Variants in KCTD16 observed in about 807,000 individuals in gnomAD.
The protein encoded by KCTD16 is potassium channel tetramerization domain containing 16, also known as BTB/POZ domain-containing protein KCTD16.
KCTD16 carries 13 observed loss-of-function variants against 33.2 expected under a neutral mutation model. That is an observed-to-expected ratio of 0.39 (90% CI 0.25 to 0.62). The LOEUF is 0.62. Among genes scored for constraint, KCTD16 ranks in the 20% least tolerant of loss-of-function variants. The probability of loss-of-function intolerance (pLI) is 0.50; values close to 1 mark genes in which losing one functional copy is unlikely to be tolerated. For synonymous variants in KCTD16, 197 were observed against 195.3 expected (o/e 1.01, Z -0.07); for missense variants, 441 against 525.1 (o/e 0.84, Z 1.57).
chr5:144,482,976 T>C lies in KCTD16; in HGVS notation c.*8862T>C, dbSNP rs1332001455. 1 of 151,636 alleles carries C rather than the reference T, an allele frequency of 6.6e-6. No individual in the cohort carries two copies. Among genetic ancestry groups the C allele is most frequent in the Non-Finnish European group, 1.5e-5 (1 of 67,830 alleles). The allele number at this position is 151,636 out of a possible 1,614,324, so 9.4% of individuals were successfully genotyped here. ...CTTCCACTAAAAGTGGATATATTTA[T>C]TTATGGTGCCGAGAACATTAACAAA... On this transcript the variant is annotated 3_prime_UTR_variant, in exon 4 of 4. Transcript: ENST00000512467.
chr5:144,393,548 G>GTA (rs200997926), intron 3 of KCTD16, among the ~76,000 whole-genome samples: 110 of 152,064 alleles, frequency 7.2e-4, no homozygotes, highest in African/African-American at 2.6e-3. Flanking sequence ...AATACAGTGT[G>GTA]TATATATATA....
At chr5:144,195,463 C>T (rs1199697578) in intron 2 of KCTD16, among the ~76,000 whole-genome samples, 1 of 152,124 alleles carries the variant, frequency 6.6e-6, no homozygotes, top group Non-Finnish European at 1.5e-5. Context: ...TCTCCAGCAC[C>T]GTTGCTTGGT....
intron 3 of KCTD16, among the ~76,000 whole-genome samples, chr5:144,232,601 C>A (rs1373911740): frequency 6.6e-6 from 1 of 152,138 alleles, no homozygotes; most frequent in African/African-American, 2.4e-5. Flanking sequence ...AAACATCTTT[C>A]AATGAACTGT....
At chr5:144,410,637 T>A (rs1391650948) in intron 3 of KCTD16, among the ~76,000 whole-genome samples, 1 of 152,212 alleles carries the variant, frequency 6.6e-6, no homozygotes, top group Non-Finnish European at 1.5e-5. Context: ...ACATTTGGTC[T>A]TTATCCTCCT....
chr5:144,416,894 T>C (rs1344193108), intron 3 of KCTD16, among the ~76,000 whole-genome samples: 1 of 152,154 alleles, frequency 6.6e-6, no homozygotes, highest in Non-Finnish European at 1.5e-5. Flanking sequence ...TGTGTGTGGC[T>C]TTTTTCCCCT....
intron 3 of KCTD16, among the ~76,000 whole-genome samples, chr5:144,343,260 G>A (rs1204000387): frequency 1.3e-5 from 2 of 152,124 alleles, no homozygotes; most frequent in African/African-American, 4.8e-5. Flanking sequence ...TTCAGAGCCT[G>A]TTATTGGTCT....
chr5:144,407,407 G>C (rs1288094042), intron 3 of KCTD16, among the ~76,000 whole-genome samples: 1 of 151,836 alleles, frequency 6.6e-6, no homozygotes, highest in Non-Finnish European at 1.5e-5. Context: ...AGGTTCAGGA[G>C]TAAATGTTCT....
intron 3 of KCTD16, among the ~76,000 whole-genome samples, chr5:144,420,937 A>G (rs1030996457): frequency 1.3e-5 from 2 of 152,170 alleles, no homozygotes; most frequent in Non-Finnish European, 1.5e-5. Flanking sequence ...CTCAAAGCCA[A>G]TAGAAGGAAT....
At chr5:144,280,548 CTCTT>C (rs1414142500) in intron 3 of KCTD16, among the ~76,000 whole-genome samples, 2 of 152,148 alleles carry the variant, frequency 1.3e-5, no homozygotes, top group Non-Finnish European at 2.9e-5. Context: ...TGTTTTCTCT[CTCTT>C]TCTTTTTCAG....
At position 144,306,047 on chromosome 5, in the gene KCTD16, G is replaced by A. The variant is rs149894145; in HGVS notation, c.832+98501G>A. Among the ~76,000 whole-genome samples, 571 of 152,090 alleles carry A rather than the reference G, an allele frequency of 3.8e-3. 4 individuals are homozygous for A. Among genetic ancestry groups the A allele is most frequent in the African/African-American group, 0.013 (547 of 41,470 alleles). On this transcript the variant is annotated intron_variant, in intron 3 of 3. Coordinates refer to ENST00000512467, the MANE Select transcript of KCTD16 (RefSeq NM_020768.4). Reference sequence around the variant, plus strand: ...TCAGTGTAGCTCTTGGAGCAATGAGGTTTGTTGTGAGCCAACCAGATATCC... The same window carrying A: ...TCAGTGTAGCTCTTGGAGCAATGAGATTTGTTGTGAGCCAACCAGATATCC...
In KCTD16 at chr5:144,479,894, C is replaced by A. The variant is rs1754671411; in HGVS notation, c.*5780C>A. The stretch of plus-strand genomic sequence containing the variant: ...TGTCCTGGAGGAGGGTGGGGGTAAT[C>A]TTCCTGTTAATCAGCTTTGTAAAAC... On this transcript the variant is annotated 3_prime_UTR_variant, in exon 4 of 4. Transcript: ENST00000512467. 6.6e-6 allele frequency: 1 copy of A among 151,868 alleles called. No homozygotes were observed. Among genetic ancestry groups the A allele is most frequent in the Admixed American group, 6.6e-5 (1 of 15,192 alleles). The allele number at this position is 151,868 out of a possible 1,614,324, so 9.4% of individuals were successfully genotyped here.
intron 3 of KCTD16, among the ~76,000 whole-genome samples, chr5:144,343,416 G>C (rs537165992): frequency 8.5e-4 from 129 of 152,228 alleles, no homozygotes; most frequent in African/African-American, 3.0e-3. Context: ...TGTGGGATTG[G>C]TGGTGATATC....
At chr5:144,441,526 A>C (rs1753707727) in intron 3 of KCTD16, among the ~76,000 whole-genome samples, 1 of 152,114 alleles carries the variant, frequency 6.6e-6, no homozygotes. Flanking sequence ...CTCCAACTTC[A>C]TTCTTATGCA....
At chr5:144,469,672 A>T (rs1289425574) in intron 3 of KCTD16, among the ~76,000 whole-genome samples, 1 of 152,052 alleles carries the variant, frequency 6.6e-6, no homozygotes, top group African/African-American at 2.4e-5. Context: ...AGGCTCAGAG[A>T]GTTGAAGTAA....
At chr5:144,422,060 C>T (rs1753224599) in intron 3 of KCTD16, among the ~76,000 whole-genome samples, 1 of 152,146 alleles carries the variant, frequency 6.6e-6, no homozygotes, top group Non-Finnish European at 1.5e-5. Context: ...ATCTACTTAT[C>T]ACATACTCTG....
At chr5:144,441,047 G>A (rs1753695569) in intron 3 of KCTD16, among the ~76,000 whole-genome samples, 1 of 152,006 alleles carries the variant, frequency 6.6e-6, no homozygotes, top group Non-Finnish European at 1.5e-5. Flanking sequence ...ATTTTTTGAT[G>A]TGTTTATTGA....
chr5:144,415,036 A>G (rs892748558), intron 3 of KCTD16, among the ~76,000 whole-genome samples: 6 of 152,150 alleles, frequency 3.9e-5, no homozygotes, highest in African/African-American at 1.4e-4. Flanking sequence ...AAAGAATAGA[A>G]ATGTATTTTC....
chr5:144,335,167 G>T (rs1184644886), intron 3 of KCTD16, among the ~76,000 whole-genome samples: 5 of 152,118 alleles, frequency 3.3e-5, no homozygotes, highest in Non-Finnish European at 5.9e-5. Flanking sequence ...ACTCTCCAAA[G>T]CATTCACCCA....
chr5:144,364,257 C>G (rs1057459729), intron 3 of KCTD16, among the ~76,000 whole-genome samples: 7 of 152,240 alleles, frequency 4.6e-5, no homozygotes, highest in Admixed American at 2.6e-4. Context: ...ACCTGCAATT[C>G]TTGAATCTAA....
Sources: allele counts gnomAD v4.1 joint callset (sites outside exome capture counted in the v4.1 genomes callset), GRCh38; gene constraint gnomAD v4.1.1; transcripts MANE v1.5; gene names NCBI Gene and HGNC (gene_info 2026-07-23, HGNC 2026-07-21).